The following CEP104 variants were observed in gnomAD, a reference collection of about 807,000 sequenced individuals.
The protein encoded by CEP104 is centrosomal protein 104, also known as centrosomal protein of 104 kDa.
Under a neutral mutation model 113.3 loss-of-function variants are expected in CEP104, and 84 were observed. The observed-to-expected ratio is 0.74, with a 90% CI of 0.62 to 0.89. CEP104 has a LOEUF of 0.89. Ranked by LOEUF, CEP104 falls within the 40% of genes least tolerant of loss-of-function variation. CEP104 has a pLI of 0.00. For synonymous variants in CEP104, 378 were observed against 421.7 expected (o/e 0.90, Z 1.27); for missense variants, 1,053 against 1,156.6 (o/e 0.91, Z 1.30).
intron 14 of CEP104, 118 bp downstream of exon 14, chr1:3,829,673 C>T (rs1644161535): frequency 9.1e-7 from 1 of 1,103,902 alleles, no homozygotes; most frequent in Non-Finnish European, 1.4e-6. Context: ...AGCCAGGACG[C>T]CGGGGCTTCC....
rs187512647 is a variant in CEP104 at position 3,829,881 on chromosome 1, G to A, written c.1953C>T (p.Asp651=). 230 of 1,614,034 alleles carry A rather than the reference G, an allele frequency of 1.4e-4. No individual in the cohort carries two copies. Among genetic ancestry groups the A allele is most frequent in the Admixed American group, 3.0e-4 (18 of 60,014 alleles). Residue 651 remains aspartate, a synonymous_variant, in exon 14 of 22, where the codon GAC becomes GAT. Transcript: ENST00000378230. ...QASILEYLPP[D]DSNTRRNILY... is the part of the protein sequence containing the mutation. ...GAATGTTCCTGCGTGTGTTGCTGTCGTCTGGAGGAAGGTACTCCAGGATGG... is the reference window on the plus strand; with the variant it reads ...GAATGTTCCTGCGTGTGTTGCTGTCATCTGGAGGAAGGTACTCCAGGATGG...
At chr1:3,835,160 CTTTGT>C in intron 10 of CEP104, 68 bp from the exon 11 acceptor site, 1 of 1,218,782 alleles carries the variant, frequency 8.2e-7, no homozygotes. Flanking sequence ...AACTTGAAGG[CTTTGT>C]TTTTTTTTTA....
intron 12 of CEP104, among the ~76,000 whole-genome samples, chr1:3,832,305 TTGTAGGTCGTAACCAGGAGTGTAG>T (rs1253742189): frequency 7.3e-5 from 6 of 81,920 alleles, no homozygotes; most frequent in Non-Finnish European, 1.2e-4. Context: ...CAGGAGTGTA[TTGTAGGTCGTAACCAGGAGTGTAG>T]TGTAGGTCGT....
intron 13 of CEP104, 137 bp downstream of exon 13, chr1:3,830,909 G>C (rs1644193477): frequency 4.4e-6 from 4 of 901,540 alleles, no homozygotes; most frequent in Non-Finnish European, 4.9e-6. Flanking sequence ...CCCATTTGTT[G>C]GATGAAACAC....
rs1643991803 is a variant in CEP104 at position 3,822,257 on chromosome 1, CAG to C, written c.2571+915_2571+916del. On this transcript the variant is annotated intron_variant, in intron 20 of 21. Transcript: ENST00000378230. ...ACAGACAGACAGAGGGACAGACAGA[CAG>C]AGGGACACAGAGAGCCAGATAACTG... Among the ~76,000 whole-genome samples, 3 of 112,306 alleles carry C rather than the reference CAG, an allele frequency of 2.7e-5. No homozygotes were observed. The South Asian group carries it at 9.3e-4, about 35-fold the overall frequency. 73.7% of individuals were successfully genotyped at this position (112,306 alleles called of 152,430 possible). A position where few individuals can be genotyped will look rare whatever the true frequency, so the allele number is the denominator to read the frequency against.
At chr1:3,836,754 C>A in intron 9 of CEP104, 62 bp from the exon 10 acceptor site, 4 of 1,449,960 alleles carry the variant, frequency 2.8e-6, no homozygotes, top group Non-Finnish European at 3.8e-6. Context: ...TTCTCCAGTG[C>A]AACTCTCACT....
intron 1 of CEP104, among the ~76,000 whole-genome samples, chr1:3,855,175 T>A (rs922260906): frequency 3.9e-4 from 1 of 2,552 alleles, no homozygotes; most frequent in African/African-American, 4.1e-3. Flanking sequence ...CCAGCCCCGA[T>A]TTTTTTTTTT....
intron 15 of CEP104, 115 bp from the exon 16 acceptor site, chr1:3,826,859 T>G: frequency 9.4e-7 from 1 of 1,064,026 alleles, no homozygotes; most frequent in South Asian, 1.4e-5. Context: ...GTTTTAGAAT[T>G]TCTACTGGCT....
At chr1:3,844,446 C>A (rs902083834) in intron 6 of CEP104, among the ~76,000 whole-genome samples, 1 of 151,958 alleles carries the variant, frequency 6.6e-6, no homozygotes. Flanking sequence ...TGCAGTGAGC[C>A]GAGATCGTGC....
At position 3,838,969 on chromosome 1, in the gene CEP104, C is replaced by T. The variant is rs752473793; in HGVS notation, c.886G>A (p.Glu296Lys). Residue 296 changes from glutamate to lysine, a missense_variant, in exon 8 of 22, where the codon GAG becomes AAG. By Grantham distance (56) the Glu-to-Lys change is moderately conservative. Transcript: ENST00000378230. The part of the protein sequence containing the change: ...QLELHSLLDA[E>K]LMRRPFDLPL... ...GTCTGGGCTCCTGCACCCACCAGCTCGGCATCCAGGAGGCTGTGCAGCTCC... is the reference window on the plus strand; with the variant it reads ...GTCTGGGCTCCTGCACCCACCAGCTTGGCATCCAGGAGGCTGTGCAGCTCC... 48 of 1,613,970 alleles carry T rather than the reference C, an allele frequency of 3.0e-5. No individual in the cohort carries two copies. In the East Asian group the frequency reaches 6.5e-4, roughly 22 times the overall value.
chr1:3,828,061 G>C (rs1644127108), intron 15 of CEP104, among the ~76,000 whole-genome samples: 1 of 152,084 alleles, frequency 6.6e-6, no homozygotes. Flanking sequence ...GAGCATAGGA[G>C]ACCCCAGGAT....
At chr1:3,815,551 G>T in intron 21 of CEP104, 34 bp from the exon 22 acceptor site, 1 of 1,467,756 alleles carries the variant, frequency 6.8e-7, no homozygotes, top group Non-Finnish European at 9.2e-7. Flanking sequence ...CATTAGGAGG[G>T]GCACTCCTAC....
intron 4 of CEP104, among the ~76,000 whole-genome samples, chr1:3,846,248 C>T (rs1420899882): frequency 6.6e-6 from 1 of 152,144 alleles, no homozygotes; most frequent in Non-Finnish European, 1.5e-5. Flanking sequence ...GCTCAGTTCC[C>T]AGTTGGTGAG....
Position 3,834,910 on chromosome 1 carries a change from G to A in CEP104, c.1485+15C>T, listed in dbSNP as rs1348120479. Reference sequence around the variant, plus strand: ...TCCATGCACGCTGGAGCCAGCGCCAGCTGAGGGCACTCACGGAGGTCACAA... The same window carrying A: ...TCCATGCACGCTGGAGCCAGCGCCAACTGAGGGCACTCACGGAGGTCACAA... On this transcript the variant is annotated intron_variant, in intron 11 of 21. Transcript: ENST00000378230. 6 of 1,568,336 alleles carry A rather than the reference G, an allele frequency of 3.8e-6. No homozygotes were observed. The highest frequency in any genetic ancestry group is 4.3e-6 in the Non-Finnish European group (5 of 1,155,466).
intron 8 of CEP104, among the ~76,000 whole-genome samples, chr1:3,838,661 T>C (rs556670315): frequency 6.6e-6 from 1 of 152,340 alleles, no homozygotes; most frequent in South Asian, 2.1e-4. Context: ...GGGTCATCAC[T>C]GCCTTTTCCA....
At chr1:3,827,712 A>C (rs946542043) in intron 15 of CEP104, among the ~76,000 whole-genome samples, 2 of 152,228 alleles carry the variant, frequency 1.3e-5, no homozygotes, top group Non-Finnish European at 2.9e-5. Context: ...CCATCCCGTC[A>C]TTCTCCTGGG....
At chr1:3,837,617 C>A (rs908193723) in intron 8 of CEP104, 98 bp from the exon 9 acceptor site, 17 of 1,010,046 alleles carry the variant, frequency 1.7e-5, no homozygotes, top group Non-Finnish European at 4.4e-6. Flanking sequence ...GAAAGCTGTG[C>A]TGGAAGAGGC....
intron 10 of CEP104, 27 bp downstream of exon 10, chr1:3,836,468 G>GTGTTT: frequency 9.9e-7 from 1 of 1,010,608 alleles, no homozygotes; most frequent in Non-Finnish European, 1.3e-6. Context: ...CTGCCACCCC[G>GTGTTT]TTTTTTTTTT....
At chr1:3,848,573 AAGCTGCC>A (rs777527555) in intron 3 of CEP104, 28 bp downstream of exon 3, 2 of 1,524,780 alleles carry the variant, frequency 1.3e-6, no homozygotes, top group Non-Finnish European at 1.8e-6. Context: ...ATTAGCCTAA[AAGCTGCC>A]ATGATACATT....
Sources: gnomAD v4.1 joint callset for allele counts (sites outside exome capture counted in the v4.1 genomes callset) on GRCh38, gnomAD v4.1.1 for gene constraint, MANE v1.5 for transcripts, NCBI Gene and HGNC (gene_info 2026-07-23, HGNC 2026-07-21) for gene names.